Variants in SORBS2 observed in about 807,000 individuals in gnomAD.
SORBS2 encodes the protein sorbin and SH3 domain-containing protein 2.
A neutral mutation model predicts 97.7 loss-of-function variants in SORBS2; 46 were observed. The ratio of observed to expected loss-of-function variants is 0.47; its 90% CI spans 0.37 to 0.60. SORBS2 has a LOEUF of 0.60. SORBS2 is among the 20% of genes least tolerant of loss of function. SORBS2 has a pLI of 0.00. For missense variants in SORBS2, 1,316 were observed against 1,282.3 expected, an observed-to-expected ratio of 1.03 and a Z score of -0.40; for synonymous variants, 476 against 473.4, an observed-to-expected ratio of 1.01 and a Z score of -0.07.
Position 185,649,659 on chromosome 4 carries a change from A to C in SORBS2, c.92-3T>G. 7.3e-7 allele frequency: 1 copy of C among 1,370,472 alleles called. No homozygotes were observed. Among genetic ancestry groups the C allele is most frequent in the Non-Finnish European group, 9.5e-7 (1 of 1,053,460 alleles). The allele number at this position is 1,370,472 out of a possible 1,614,324, so 84.9% of individuals were successfully genotyped here. On this transcript the variant is annotated splice_region_variant and splice_polypyrimidine_tract_variant and intron_variant, in intron 2 of 14. Transcript: ENST00000418609. ...ACTGTAGGGTGGGTTGTACAGACCT[A>C]TCATGACAAAAAACAAAAGCAGACA...
At chr4:185,878,773 G>A (rs2099235081) in intron 1 of SORBS2, among the ~76,000 whole-genome samples, 1 of 152,184 alleles carries the variant, frequency 6.6e-6, no homozygotes, top group African/African-American at 2.4e-5. Context: ...GATTGCTGCT[G>A]CCTGCAGTTA....
chr4:185,775,522 A>AC (rs1255559979), intron 1 of SORBS2, 156 bp from the exon 2 acceptor site: 1 of 151,890 alleles, frequency 6.6e-6, no homozygotes, highest in Non-Finnish European at 1.5e-5. Flanking sequence ...CCAGATCGCC[A>AC]CCCCCCACTC....
chr4:185,735,762 G>A lies in SORBS2; in HGVS notation c.-198+39465C>T, dbSNP rs539843895. 2.0e-5 allele frequency among the ~76,000 whole-genome samples: 3 copies of A among 152,198 alleles called. No homozygotes were observed. The East Asian group carries it at 5.8e-4, about 29-fold the overall frequency. On this transcript the variant is annotated intron_variant, in intron 2 of 20. Transcript: ENST00000284776. ...CTTAGTCCATGATGAATTAAAATAAGTAGTTTACCTATAGATAACTAAAAT... is the reference window on the plus strand; with the variant it reads ...CTTAGTCCATGATGAATTAAAATAAATAGTTTACCTATAGATAACTAAAAT...
intron 1 of SORBS2, among the ~76,000 whole-genome samples, chr4:185,865,530 A>C (rs1201506024): frequency 6.6e-6 from 1 of 152,208 alleles, no homozygotes; most frequent in Non-Finnish European, 1.5e-5. Context: ...AACCTGAAAG[A>C]CTTAGGAGAT....
chr4:185,781,614 C>A (rs1331098396), intron 1 of SORBS2, among the ~76,000 whole-genome samples: 1 of 149,576 alleles, frequency 6.7e-6, no homozygotes, highest in Non-Finnish European at 1.5e-5. Context: ...TTGCCTCCGG[C>A]CCCTCCAGCC....
chr4:185,729,444 T>C (rs893318738), intron 2 of SORBS2, among the ~76,000 whole-genome samples: 1 of 152,206 alleles, frequency 6.6e-6, no homozygotes, highest in African/African-American at 2.4e-5. Flanking sequence ...TCTCAGGGCC[T>C]CCTCTGCCTG....
chr4:185,654,507 A>G (rs568959875), intron 1 of SORBS2, among the ~76,000 whole-genome samples: 63 of 152,142 alleles, frequency 4.1e-4, no homozygotes, highest in Non-Finnish European at 7.4e-4. Context: ...TGGAGGGCCT[A>G]TATCAGGTAG....
Position 185,605,774 on chromosome 4 carries a change from G to A in SORBS2, c.2796+6006C>T, listed in dbSNP as rs184741596. ...TAGTTTTTGTATTTTTGGTAGTGAC[G>A]GGGTTTCACCATGTTGGCCAGGCTG... On this transcript the variant is annotated intron_variant, in intron 12 of 14. Coordinates refer to ENST00000418609, the Ensembl canonical transcript of SORBS2. Among the ~76,000 whole-genome samples, 12 of 152,264 alleles carry A rather than the reference G, an allele frequency of 7.9e-5. No individual in the cohort carries two copies. The East Asian group carries it at 2.1e-3, about 27-fold the overall frequency.
chr4:185,646,664 T>C lies in SORBS2; in HGVS notation c.396+4A>G. ...GCATATTCTGTTTAATGACAAGTGCTTACTGGTCTTTCATGCTGAAGAATT... is the reference window on the plus strand; with the variant it reads ...GCATATTCTGTTTAATGACAAGTGCCTACTGGTCTTTCATGCTGAAGAATT... On this transcript the variant is annotated splice_donor_region_variant and intron_variant, in intron 4 of 14. Coordinates refer to ENST00000418609, the Ensembl canonical transcript of SORBS2. 1 of 1,579,228 alleles carries C rather than the reference T, an allele frequency of 6.3e-7. No homozygotes were observed. The highest frequency in any genetic ancestry group is 8.7e-7 in the Non-Finnish European group (1 of 1,148,180).
chr4:185,780,230 G>A (rs1055542465), intron 1 of SORBS2, among the ~76,000 whole-genome samples: 2 of 151,920 alleles, frequency 1.3e-5, no homozygotes, highest in African/African-American at 2.4e-5. Context: ...GGTCAGGCTG[G>A]TCTCAAGCTC....
chr4:185,890,848 C>T (rs1320099985), intron 1 of SORBS2, among the ~76,000 whole-genome samples: 1 of 152,132 alleles, frequency 6.6e-6, no homozygotes, highest in African/African-American at 2.4e-5. Flanking sequence ...TTCTGCCTTG[C>T]TAGAAAACAG....
intron 1 of SORBS2, among the ~76,000 whole-genome samples, chr4:185,834,433 T>C (rs974292339): frequency 2.6e-5 from 4 of 152,280 alleles, no homozygotes; most frequent in African/African-American, 9.6e-5. Context: ...ATGTACACGT[T>C]TCTATCATGT....
intron 1 of SORBS2, among the ~76,000 whole-genome samples, chr4:185,807,773 C>T (rs1424647631): frequency 6.6e-6 from 1 of 152,128 alleles, no homozygotes; most frequent in Non-Finnish European, 1.5e-5. Context: ...TTCCACGTGA[C>T]AGTGGCAGTT....
intron 1 of SORBS2, among the ~76,000 whole-genome samples, chr4:185,787,906 C>T (rs1323157446): frequency 1.3e-5 from 2 of 152,204 alleles, no homozygotes; most frequent in African/African-American, 4.8e-5. Context: ...TCATCCCCTA[C>T]ACATTTTGAA....
chr4:185,868,147 C>CTTTCTTTCT lies in SORBS2; in HGVS notation c.-338+88048_-338+88049insAGAAAGAAA, dbSNP rs1288748201. ...TCTACTTTCCTTTCTCTTTTCTTTT[C>CTTTCTTTCT]TTTTTTTCTTTCTTTTTTTTTTTTT... is the stretch of plus-strand genomic sequence containing the variant. On this transcript the variant is annotated intron_variant, in intron 1 of 20. Coordinates refer to the SORBS2 transcript ENST00000284776. Among the ~76,000 whole-genome samples, 98 of 89,784 alleles carry CTTTCTTTCT rather than the reference C, an allele frequency of 1.1e-3. 11 individuals carry two copies. The highest frequency in any genetic ancestry group is 6.8e-3 in the Middle Eastern group (1 of 146). The allele number at this position is 89,784 out of a possible 152,430, so 58.9% of individuals were successfully genotyped here. A position where few individuals can be genotyped will look rare whatever the true frequency, so the allele number is the denominator to read the frequency against.
chr4:185,738,184 C>T (rs2098700274), intron 2 of SORBS2, among the ~76,000 whole-genome samples: 1 of 152,232 alleles, frequency 6.6e-6, no homozygotes, highest in Non-Finnish European at 1.5e-5. Flanking sequence ...ACCCTTTCCA[C>T]ATCTAAAGCA....
chr4:185,769,080 A>AG (rs746661084), intron 2 of SORBS2, among the ~76,000 whole-genome samples: 171 of 117,098 alleles, frequency 1.5e-3, no homozygotes, highest in African/African-American at 5.0e-3. Context: ...TTGTAGTACC[A>AG]GGGAAAAAAA....
intron 4 of SORBS2, among the ~76,000 whole-genome samples, chr4:185,673,484 T>C (rs1266862433): frequency 6.6e-6 from 1 of 152,158 alleles, no homozygotes; most frequent in African/African-American, 2.4e-5. Flanking sequence ...TTGTTGAAAA[T>C]AATATATTTC....
chr4:185,897,265 T>C (rs1388024056), intron 1 of SORBS2, among the ~76,000 whole-genome samples: 1 of 152,174 alleles, frequency 6.6e-6, no homozygotes, highest in Non-Finnish European at 1.5e-5. Flanking sequence ...CCACCTTGTT[T>C]GAGTGTAGGT....
Sources: allele counts gnomAD v4.1 joint callset (sites outside exome capture counted in the v4.1 genomes callset), GRCh38; gene constraint gnomAD v4.1.1; transcripts MANE v1.5; gene names NCBI Gene and HGNC (gene_info 2026-07-23, HGNC 2026-07-21).